SMS: variants seen among roughly 807,000 people sequenced by gnomAD.
SMS encodes spermidine aminopropyltransferase.
SMS carries 3 observed loss-of-function variants against 33.0 expected under a neutral mutation model. That is an observed-to-expected ratio of 0.09 (90% CI 0.04 to 0.23). The LOEUF is 0.23. Ranked by LOEUF, SMS falls within the 10% of genes least tolerant of loss-of-function variation. The pLI is 1.00. For missense variants in SMS, 117 were observed against 288.6 expected (o/e 0.41, Z 4.31); for synonymous variants, 103 against 112.2 (o/e 0.92, Z 0.52).
chrX:21,990,571 G>T (rs1925688971), intron 9 of SMS, among the ~76,000 whole-genome samples: 1 of 112,276 alleles, frequency 8.9e-6, no homozygotes, highest in African/African-American at 3.2e-5. Context: ...ACTTTTTTGG[G>T]GTAGGTGTCT....
chrX:21,968,829 C>T (rs764556662), intron 2 of SMS, among the ~76,000 whole-genome samples: 10 of 111,789 alleles, frequency 8.9e-5, no homozygotes, highest in African/African-American at 2.9e-4. Context: ...ATGTACTGCT[C>T]AGGTGATGAG....
intron 1 of SMS, among the ~76,000 whole-genome samples, chrX:21,946,656 A>C (rs943091981): frequency 1.8e-5 from 2 of 111,043 alleles, no homozygotes; most frequent in African/African-American, 6.6e-5. Context: ...GACATCTGGC[A>C]ATTTCTGGAG....
chrX:21,966,502 T>C (rs1923732300), intron 1 of SMS, among the ~76,000 whole-genome samples: 2 of 111,406 alleles, frequency 1.8e-5, no homozygotes, highest in Admixed American at 1.9e-4. Context: ...GATTGCACTT[T>C]TGGGAGTAGG....
At chrX:21,984,486 A>T in intron 8 of SMS, 68 bp downstream of exon 8, 1 of 703,072 alleles carries the variant, frequency 1.4e-6, no homozygotes, top group Non-Finnish European at 2.3e-6. Flanking sequence ...GGGTGAAAGG[A>T]TCCTAGAGAT....
intron 1 of SMS, chrX:21,959,882 G>T: frequency 4.0e-6 from 3 of 750,115 alleles, no homozygotes; most frequent in South Asian, 1.4e-4. Context: ...CAGCCAGCTC[G>T]CACACCATCT....
At chrX:21,965,879 C>T (rs1284175387) in intron 1 of SMS, among the ~76,000 whole-genome samples, 2 of 111,813 alleles carry the variant, frequency 1.8e-5, no homozygotes, top group Non-Finnish European at 3.8e-5. Flanking sequence ...TCACTTAAGC[C>T]CAGGAAGCAG....
intron 7 of SMS, among the ~76,000 whole-genome samples, chrX:21,979,199 T>TTA (rs1556001376): frequency 9.1e-6 from 1 of 110,015 alleles, no homozygotes; most frequent in East Asian, 2.8e-4. Flanking sequence ...TTTTTTTTTT[T>TTA]ATTATACTTT....
chrX:21,983,091 G>A (rs769770229), intron 7 of SMS, among the ~76,000 whole-genome samples: 2 of 111,518 alleles, frequency 1.8e-5, no homozygotes, highest in South Asian at 7.5e-4. Context: ...CTGGAGCACA[G>A]TGGTGCGCGA....
At chrX:21,952,117 A>G (rs1043290910) in intron 1 of SMS, among the ~76,000 whole-genome samples, 1 of 111,976 alleles carries the variant, frequency 8.9e-6, no homozygotes, top group Non-Finnish European at 1.9e-5. Flanking sequence ...TTGTTAATCT[A>G]TGTGCCTTAC....
At chrX:21,968,587 A>AG (rs1170455215) in intron 2 of SMS, among the ~76,000 whole-genome samples, 1 of 112,023 alleles carries the variant, frequency 8.9e-6, no homozygotes, top group African/African-American at 3.3e-5. Context: ...ACAGCTGACC[A>AG]CACTTGGAGT....
At chrX:21,980,429 A>AAAAAAAAAAAG in intron 7 of SMS, among the ~76,000 whole-genome samples, 1 of 63,039 alleles carries the variant, frequency 1.6e-5, no homozygotes, top group Non-Finnish European at 3.1e-5. Flanking sequence ...AAAAAAAAAA[A>AAAAAAAAAAAG]ATATATATAT....
At chrX:21,973,148 C>T (rs1318289268) in intron 4 of SMS, among the ~76,000 whole-genome samples, 1 of 111,695 alleles carries the variant, frequency 9.0e-6, no homozygotes, top group African/African-American at 3.3e-5. Flanking sequence ...TGGACCAACT[C>T]CAAGGAGTTG....
At position 21,956,658 on chromosome X, in the gene SMS, C is replaced by T. The variant is rs1484565082; in HGVS notation, c.50-10538C>T. Among the ~76,000 whole-genome samples, 12 of 110,645 alleles carry T rather than the reference C, an allele frequency of 1.1e-4. No individual in the cohort carries two copies. The East Asian group carries it at 2.6e-3, about 24-fold the overall frequency. On this transcript the variant is annotated intron_variant, in intron 1 of 10. Transcript: ENST00000404933. ...CTAATTTTTGTGTTTTTAGTAGAGACGGGGTTTCATCATGTTGCTCAGGCT... is the reference window on the plus strand; with the variant it reads ...CTAATTTTTGTGTTTTTAGTAGAGATGGGGTTTCATCATGTTGCTCAGGCT...
intron 9 of SMS, among the ~76,000 whole-genome samples, chrX:21,990,416 C>T (rs1925679984): frequency 8.9e-6 from 1 of 112,775 alleles, no homozygotes; most frequent in Admixed American, 9.4e-5. Context: ...GTGACCCCAC[C>T]CCTTGTTCCA....
Position 21,967,089 on chromosome X carries a change from TTTACTTATTTA to T in SMS, c.50-104_50-94del. ...ATTTATTTATTTATTTATTTATTTA[TTTACTTATTTA>T]TTTATTTTTAAGCTCAGTCCTCAAA... On this transcript the variant is annotated intron_variant, in intron 1 of 10. Transcript: ENST00000404933. The T allele has an allele frequency of 3.2e-5, 7 of 221,249 alleles. No individual in the cohort carries two copies. The South Asian group carries it at 6.3e-4, about 20-fold the overall frequency. The allele number at this position is 221,249 out of a possible 1,213,427, so 18.2% of individuals were successfully genotyped here. A position where few individuals can be genotyped will look rare whatever the true frequency, so the allele number is the denominator to read the frequency against.
At chrX:21,985,028 A>G (rs1273243276) in intron 8 of SMS, 116 bp from the exon 9 acceptor site, 4 of 499,533 alleles carry the variant, frequency 8.0e-6, no homozygotes, top group Non-Finnish European at 1.4e-5. Flanking sequence ...TGGGTCTTAC[A>G]CTCGTGGCTC....
At chrX:21,943,073 C>T (rs1357118897) in intron 1 of SMS, among the ~76,000 whole-genome samples, 3 of 110,945 alleles carry the variant, frequency 2.7e-5, no homozygotes, top group African/African-American at 9.9e-5. Context: ...TCTCAAACTC[C>T]TGGCCTCAAG....
rs1202616967 is a variant in SMS, at chrX:21,977,902, G to C, written c.506-58G>C. The stretch of plus-strand genomic sequence containing the variant: ...GATCCCAGCTCTTCAGTGTGGTGGG[G>C]CCAGGTGGTTTGTGTGTTAAGGTAG... On this transcript the variant is annotated intron_variant, in intron 5 of 10. Transcript: ENST00000404933. 5 of 1,095,673 alleles carry C rather than the reference G, an allele frequency of 4.6e-6. No homozygotes were observed. The Admixed American group carries it at 1.1e-4, about 24-fold the overall frequency. 90.3% of individuals were successfully genotyped at this position (1,095,673 alleles called of 1,213,427 possible). A position where few individuals can be genotyped will look rare whatever the true frequency, so the allele number is the denominator to read the frequency against.
chrX:21,963,725 G>A (rs931776307), intron 1 of SMS, among the ~76,000 whole-genome samples: 5 of 111,707 alleles, frequency 4.5e-5, no homozygotes, highest in African/African-American at 1.6e-4. Flanking sequence ...CAGGGTCCTC[G>A]TTCACTGCAC....
Sources: allele counts gnomAD v4.1 joint callset (sites outside exome capture counted in the v4.1 genomes callset), GRCh38; gene constraint gnomAD v4.1.1; transcripts MANE v1.5; gene names NCBI Gene and HGNC (gene_info 2026-07-23, HGNC 2026-07-21).